PLIN5: variants seen among roughly 807,000 people sequenced by gnomAD.
PLIN5 encodes perilipin-5.
PLIN5 carries 34 observed loss-of-function variants against 32.8 expected under a neutral mutation model. The ratio of observed to expected loss-of-function variants is 1.04; its 90% CI spans 0.79 to 1.38. The LOEUF (loss-of-function observed/expected upper bound fraction) is 1.38. Among genes scored for constraint, PLIN5 ranks in the 40% most tolerant of loss-of-function variants. The probability of loss-of-function intolerance (pLI) is 0.00; values close to 1 mark genes in which losing one functional copy is unlikely to be tolerated. For synonymous variants in PLIN5, 309 were observed against 292.9 expected (o/e 1.05, Z -0.56); for missense variants, 712 against 660.5 (o/e 1.08, Z -0.85).
rs1005880568 is a variant in PLIN5, at chr19:4,525,568, A to G, written c.720+65T>C. The G allele has an allele frequency of 5.6e-5, 88 of 1,575,078 alleles. No individual in the cohort carries two copies. The African/African-American group carries it at 1.1e-3, about 20-fold the overall frequency. On this transcript the variant is annotated intron_variant, in intron 6 of 7. Transcript: ENST00000381848. This position sits in a 1 kb window ranked among gnomAD's most constrained non-coding sequence, Gnocchi z 5.6. ...TAGGCTAGCACGGGATCCGGTATTCAGCTGGTGCTCAATCCATACTGATTG... is the reference window on the plus strand; with the variant it reads ...TAGGCTAGCACGGGATCCGGTATTCGGCTGGTGCTCAATCCATACTGATTG...
chr19:4,523,468 G>T lies in PLIN5; in HGVS notation c.*60C>A. 1 of 1,494,134 alleles carries T rather than the reference G, an allele frequency of 6.7e-7. No homozygotes were observed. 92.6% of individuals were successfully genotyped at this position (1,494,134 alleles called of 1,614,324 possible). On this transcript the variant is annotated 3_prime_UTR_variant, in exon 8 of 8. Transcript: ENST00000381848. The surrounding 1 kb of genome is among the most constrained non-coding windows in gnomAD (Gnocchi z 5.0). ...CTCGAGCTTACGTGTGGCCACCAGGGGGCAGCAGGGATCGGGGTGTGCAGG... is the reference window on the plus strand; with the variant it reads ...CTCGAGCTTACGTGTGGCCACCAGGTGGCAGCAGGGATCGGGGTGTGCAGG...
Position 4,525,122 on chromosome 19 carries a change from G to T in PLIN5, c.721-46C>A, listed in dbSNP as rs2145322240. 1 of 886,390 alleles carries T rather than the reference G, an allele frequency of 1.1e-6. No individual in the cohort carries two copies. Among genetic ancestry groups the T allele is most frequent in the Non-Finnish European group, 1.6e-6 (1 of 626,910 alleles). The allele number at this position is 886,390 out of a possible 1,614,324, so 54.9% of individuals were successfully genotyped here. A position where few individuals can be genotyped will look rare whatever the true frequency, so the allele number is the denominator to read the frequency against. ...GTCTTCAGAGCTGGGGGAGCTGGGG[G>T]AGCTGGGGGTCGGGGTGGGGTCCAG... is the stretch of plus-strand genomic sequence containing the variant. On this transcript the variant is annotated intron_variant, in intron 6 of 7. Transcript: ENST00000381848. The surrounding 1 kb of genome is among the most constrained non-coding windows in gnomAD (Gnocchi z 5.6).
chr19:4,527,876 C>T (rs1976826354), intron 5 of PLIN5, among the ~76,000 whole-genome samples: 1 of 150,974 alleles, frequency 6.6e-6, no homozygotes, highest in Admixed American at 6.6e-5. Context: ...TTCAGGAGTG[C>T]CTGGCACACA....
chr19:4,527,768 A>C (rs139583073), intron 5 of PLIN5, among the ~76,000 whole-genome samples: 5,109 of 149,764 alleles, frequency 0.034, 253 homozygotes, highest in African/African-American at 0.11. Context: ...TCGCTTGAAC[A>C]CGGGAGGCAG....
rs1976749697 is a variant in PLIN5 at position 4,523,063 on chromosome 19, C to T, written c.*465G>A. 1 of 151,448 alleles carries T rather than the reference C, an allele frequency of 6.6e-6. No homozygotes were observed. Among genetic ancestry groups the T allele is most frequent in the South Asian group, 2.1e-4 (1 of 4,800 alleles). 9.4% of individuals were successfully genotyped at this position (151,448 alleles called of 1,614,324 possible). A position where few individuals can be genotyped will look rare whatever the true frequency, so the allele number is the denominator to read the frequency against. ...ACAACTAGCTGGGACTACAGGTGCA[C>T]ACCACCACACCTGGCTTTTTTTTTT... On this transcript the variant is annotated 3_prime_UTR_variant, in exon 8 of 8. Transcript: ENST00000381848. This position sits in a 1 kb window ranked among gnomAD's most constrained non-coding sequence, Gnocchi z 5.0.
intron 5 of PLIN5, among the ~76,000 whole-genome samples, chr19:4,526,809 G>T (rs376695696): frequency 8.0e-5 from 12 of 149,950 alleles, no homozygotes; most frequent in African/African-American, 3.0e-4. Context: ...GGTTAGCTAC[G>T]ATCACACCAC....
At chr19:4,532,501 A>C (rs955472387) in intron 2 of PLIN5, 3 of 152,118 alleles carry the variant, frequency 2.0e-5, no homozygotes, top group Non-Finnish European at 4.4e-5. Context: ...CACCGCGCCC[A>C]GCCAATTTTG....
Position 4,525,168 on chromosome 19 carries a change from T to C in PLIN5, c.721-92A>G. On this transcript the variant is annotated intron_variant, in intron 6 of 7. Coordinates refer to ENST00000381848, the MANE Select transcript of PLIN5 (RefSeq NM_001013706.3). This position sits in a 1 kb window ranked among gnomAD's most constrained non-coding sequence, Gnocchi z 5.6. ...TCCAGGACCACTGATCTGGCCTCAG[T>C]AAGCATTTAGGAGACCGAGGCAGGT... is the stretch of plus-strand genomic sequence containing the variant. 1 of 797,938 alleles carries C rather than the reference T, an allele frequency of 1.3e-6. No individual in the cohort carries two copies. Among genetic ancestry groups the C allele is most frequent in the South Asian group, 2.1e-5 (1 of 47,044 alleles). The allele number at this position is 797,938 out of a possible 1,614,324, so 49.4% of individuals were successfully genotyped here.
At chr19:4,531,553 C>T (rs1447398835) in intron 3 of PLIN5, 74 bp downstream of exon 3, 10 of 1,395,718 alleles carry the variant, frequency 7.2e-6, no homozygotes, top group Admixed American at 5.3e-5. Context: ...GCAGATAGAC[C>T]AAGGAGGATG....
At position 4,525,020 on chromosome 19, in the gene PLIN5, C is replaced by A. The variant is rs1479759467; in HGVS notation, c.777G>T (p.Val259=). The A allele has an allele frequency of 6.7e-7, 1 of 1,503,018 alleles. No homozygotes were observed. Among genetic ancestry groups the A allele is most frequent in the Non-Finnish European group, 8.9e-7 (1 of 1,126,790 alleles). 93.1% of individuals were successfully genotyped at this position (1,503,018 alleles called of 1,614,324 possible). A position where few individuals can be genotyped will look rare whatever the true frequency, so the allele number is the denominator to read the frequency against. ...GGCCCCATTCCCCCCACAGCTCGTG[C>A]ACCTTCCCAGGGCAGGCCGGGGCGG... ...TPTAPACPGK[V]HELWGEWGQR... is the part of the protein sequence containing the mutation. Residue 259 remains valine (V), a synonymous_variant, in exon 7 of 8, where the codon GTG becomes GTT. Coordinates refer to ENST00000381848, the MANE Select transcript of PLIN5 (RefSeq NM_001013706.3). The surrounding 1 kb of genome is among the most constrained non-coding windows in gnomAD (Gnocchi z 5.6).
chr19:4,523,292 G>C lies in PLIN5; in HGVS notation c.*236C>G, dbSNP rs1054365025. ...GACATAGGTGAAGAACCCAGCTTGT[G>C]GCTCAAGTTGGCCTGAATAGGGTTC... is the stretch of plus-strand genomic sequence containing the variant. On this transcript the variant is annotated 3_prime_UTR_variant, in exon 8 of 8. Transcript: ENST00000381848. The surrounding 1 kb of genome is among the most constrained non-coding windows in gnomAD (Gnocchi z 5.0). 2.0e-5 allele frequency: 9 copies of C among 456,700 alleles called. No individual in the cohort carries two copies. The highest frequency in any genetic ancestry group is 1.1e-3 in the Middle Eastern group (2 of 1,814). 28.3% of individuals were successfully genotyped at this position (456,700 alleles called of 1,614,324 possible). A position where few individuals can be genotyped will look rare whatever the true frequency, so the allele number is the denominator to read the frequency against.
At chr19:4,524,113 C>T (rs1320714200) in intron 7 of PLIN5, 28 bp from the exon 8 acceptor site, 3 of 1,392,422 alleles carry the variant, frequency 2.2e-6, no homozygotes, top group Admixed American at 3.4e-5. Context: ...CTCAGTTTCC[C>T]CTATGGACGC....
At chr19:4,534,702 T>C (rs2145332435) in intron 1 of PLIN5, among the ~76,000 whole-genome samples, 1 of 152,226 alleles carries the variant, frequency 6.6e-6, no homozygotes. Flanking sequence ...CACCTTCACC[T>C]CTCTGGGCTG....
chr19:4,531,314 A>ATTT lies in PLIN5; in HGVS notation c.256+310_256+312dup, dbSNP rs1246128915. Among the ~76,000 whole-genome samples, 32 of 151,148 alleles carry ATTT rather than the reference A, an allele frequency of 2.1e-4. 1 individual carries two copies. Among genetic ancestry groups the ATTT allele is most frequent in the African/African-American group, 6.8e-4 (28 of 41,160 alleles). The stretch of plus-strand genomic sequence containing the variant: ...ACACCCAGCCAGATTTAAAAAAAAA[A>ATTT]TTTTTTTTTTGAGATACAGGGTCTC... On this transcript the variant is annotated intron_variant, in intron 3 of 7. Transcript: ENST00000381848.
In PLIN5 at chr19:4,525,856, G is replaced by C; in HGVS notation, c.521-24C>G. ...CGCTGGAGGACAGGATACGGGGACA[G>C]CACGGGGACAGGATACGGGGACAGC... On this transcript the variant is annotated intron_variant, in intron 5 of 7. Coordinates refer to ENST00000381848, the MANE Select transcript of PLIN5 (RefSeq NM_001013706.3). The surrounding 1 kb of genome is among the most constrained non-coding windows in gnomAD (Gnocchi z 5.6). The C allele has an allele frequency of 6.5e-7, 1 of 1,538,302 alleles. No individual in the cohort carries two copies.
intron 5 of PLIN5, among the ~76,000 whole-genome samples, chr19:4,527,052 C>A (rs970022199): frequency 6.6e-6 from 1 of 151,676 alleles, no homozygotes; most frequent in Non-Finnish European, 1.5e-5. Context: ...GCCTGGGTGA[C>A]AGAACAAGAC....
At chr19:4,527,372 TA>T (rs889123743) in intron 5 of PLIN5, among the ~76,000 whole-genome samples, 56 of 150,252 alleles carry the variant, frequency 3.7e-4, no homozygotes, top group African/African-American at 1.1e-3. Flanking sequence ...GCGCCCGGCC[TA>T]AAAAAAAATT....
chr19:4,524,695 C>G (rs942823225), intron 7 of PLIN5, among the ~76,000 whole-genome samples: 2 of 152,150 alleles, frequency 1.3e-5, no homozygotes, highest in South Asian at 2.1e-4. Context: ...CCCCTTTCCC[C>G]CCACCTCCCT....
At chr19:4,524,279 C>T (rs542333307) in intron 7 of PLIN5, among the ~76,000 whole-genome samples, 194 bp from the exon 8 acceptor site, 8 of 152,298 alleles carry the variant, frequency 5.3e-5, no homozygotes, top group Admixed American at 4.6e-4. Flanking sequence ...GGGCCGGTCG[C>T]GGTGGCTCAC....
Sources: gnomAD v4.1 joint callset for allele counts (sites outside exome capture counted in the v4.1 genomes callset) on GRCh38, gnomAD v4.1.1 for gene constraint, Gnocchi (gnomAD v3.1) non-coding constraint, MANE v1.5 for transcripts, NCBI Gene and HGNC (gene_info 2026-07-23, HGNC 2026-07-21) for gene names.